BID: variants seen among roughly 807,000 people sequenced by gnomAD.
The protein encoded by BID is BH3-interacting domain death agonist.
A neutral mutation model predicts 17.4 loss-of-function variants in BID; 19 were observed. The ratio of observed to expected loss-of-function variants is 1.09; its 90% confidence interval spans 0.76 to 1.60. The LOEUF is 1.60. BID is among the 40% of genes most tolerant of loss of function. The pLI is 0.00. For missense variants in BID, 226 were observed against 256.0 expected, an observed-to-expected ratio of 0.88 and a Z score of 0.80; for synonymous variants, 108 against 102.8, an observed-to-expected ratio of 1.05 and a Z score of -0.31.
chr22:17,760,087 T>C (rs555379175), intron 1 of BID, among the ~76,000 whole-genome samples: 16 of 147,576 alleles, frequency 1.1e-4, no homozygotes, highest in African/African-American at 3.3e-4. Context: ...TGAGCCGAGA[T>C]TGCGCCACTG....
rs749940968 is a variant in BID at position 17,735,603 on chromosome 22, AAGG to A, written c.577-15_577-13del. The A allele has an allele frequency of 2.0e-4, 326 of 1,614,198 alleles. 3 individuals are homozygous for A. In the South Asian group the frequency reaches 2.8e-3, roughly 14 times the overall value. On this transcript the variant is annotated splice_polypyrimidine_tract_variant and intron_variant, in intron 5 of 5. Coordinates refer to ENST00000622694, the MANE Select transcript of BID (RefSeq NM_001196.4). ...GTTCAGTCCATCCCCTAGAGCAAGA[AAGG>A]AGAAAAAGCCAGAATCAGCTAGGCT...
intron 5 of BID, among the ~76,000 whole-genome samples, chr22:17,737,487 C>T (rs569712315): frequency 1.3e-5 from 2 of 152,262 alleles, no homozygotes; most frequent in South Asian, 4.1e-4. Flanking sequence ...GCTGGGACTA[C>T]AGGTGTGCGC....
intron 1 of BID, among the ~76,000 whole-genome samples, chr22:17,763,884 T>C (rs1276844252): frequency 6.9e-6 from 1 of 145,584 alleles, no homozygotes; most frequent in African/African-American, 2.6e-5. Context: ...GGTGAACATA[T>C]ATATAGACCA....
intron 5 of BID, 27 bp from the exon 6 acceptor site, chr22:17,735,618 G>A: frequency 6.2e-7 from 1 of 1,614,068 alleles, no homozygotes; most frequent in Non-Finnish European, 8.5e-7. Flanking sequence ...GAAAAAGCCA[G>A]AATCAGCTAG....
intron 1 of BID, among the ~76,000 whole-genome samples, chr22:17,770,394 G>C (rs1256193723): frequency 6.6e-6 from 1 of 152,150 alleles, no homozygotes; most frequent in South Asian, 2.1e-4. Context: ...CACTTACAAA[G>C]GGTTTTCCCT....
chr22:17,741,449 AACTCAACT>A (rs2061458509), intron 3 of BID, among the ~76,000 whole-genome samples: 1 of 151,924 alleles, frequency 6.6e-6, no homozygotes, highest in South Asian at 2.1e-4. Flanking sequence ...TTCCTAGGCA[AACTCAACT>A]ACTCACTGTA....
At chr22:17,739,990 A>C in intron 3 of BID, 1 of 1,317,332 alleles carries the variant, frequency 7.6e-7, no homozygotes, top group Non-Finnish European at 1.1e-6. Context: ...GCCCTGGAGA[A>C]TCTCCCCTGC....
At chr22:17,740,145 C>T (rs1216334779) in intron 3 of BID, 1 of 1,612,358 alleles carries the variant, frequency 6.2e-7, no homozygotes, top group East Asian at 2.2e-5. Context: ...CCGTTTCTTC[C>T]TCAGCACTTG....
At chr22:17,761,343 T>G (rs2061636892) in intron 1 of BID, among the ~76,000 whole-genome samples, 1 of 151,812 alleles carries the variant, frequency 6.6e-6, no homozygotes, top group Non-Finnish European at 1.5e-5. Context: ...CATAATAAAG[T>G]CAACATAAAG....
At chr22:17,771,134 C>T (rs144829505) in intron 1 of BID, among the ~76,000 whole-genome samples, 5,725 of 152,254 alleles carry the variant, frequency 0.038, 126 homozygotes, top group African/African-American at 0.057. Context: ...GAGTCTCGCT[C>T]TGTCCCCCAG....
In BID at chr22:17,773,611, G is replaced by A; in HGVS notation, c.-59+770C>T. ...AGGCCCAGCCCCCAGCCCACTTACAGAATCCGCACTGTGCTCCTCCAGCCG... is the reference window on the plus strand; with the variant it reads ...AGGCCCAGCCCCCAGCCCACTTACAAAATCCGCACTGTGCTCCTCCAGCCG... On this transcript the variant is annotated intron_variant, in intron 1 of 5. Transcript: ENST00000622694. This position sits in a 1 kb window ranked among gnomAD's most constrained non-coding sequence, Gnocchi z 4.4. 2 of 1,612,646 alleles carry A rather than the reference G, an allele frequency of 1.2e-6. No individual in the cohort carries two copies. Among genetic ancestry groups the A allele is most frequent in the Non-Finnish European group, 1.7e-6 (2 of 1,179,952 alleles).
chr22:17,767,223 C>CA (rs36077043), intron 1 of BID, among the ~76,000 whole-genome samples: 108,682 of 145,710 alleles, frequency 0.75, 40,537 homozygotes, highest in East Asian at 0.8. Flanking sequence ...GATTCCATCT[C>CA]AAAAAAAAAA....
chr22:17,759,436 C>G (rs2061620324), intron 1 of BID, among the ~76,000 whole-genome samples: 1 of 151,660 alleles, frequency 6.6e-6, no homozygotes, highest in South Asian at 2.1e-4. Flanking sequence ...CCTGTAATCC[C>G]AGCTACTCGG....
chr22:17,760,707 G>A (rs1037689200), intron 1 of BID, among the ~76,000 whole-genome samples: 7 of 152,118 alleles, frequency 4.6e-5, no homozygotes, highest in African/African-American at 9.7e-5. Context: ...GGTGGTCTGA[G>A]AGCCATTGAG....
chr22:17,752,657 T>G (rs193245060), intron 1 of BID, among the ~76,000 whole-genome samples: 1 of 142,316 alleles, frequency 7.0e-6, no homozygotes, highest in African/African-American at 2.6e-5. Context: ...CTGTGATGAG[T>G]ACCCCAATGG....
intron 1 of BID, among the ~76,000 whole-genome samples, chr22:17,770,905 AG>A (rs1185462543): frequency 6.6e-6 from 1 of 152,232 alleles, no homozygotes; most frequent in African/African-American, 2.4e-5. Context: ...CTCTGCAGAA[AG>A]TTCCCTGGTG....
At chr22:17,762,938 G>T (rs148665018) in intron 1 of BID, among the ~76,000 whole-genome samples, 1 of 150,510 alleles carries the variant, frequency 6.6e-6, no homozygotes, top group Non-Finnish European at 1.5e-5. Context: ...GTGCAATGGC[G>T]TGATCTTGCC....
chr22:17,762,324 C>T (rs2061645135), intron 1 of BID, among the ~76,000 whole-genome samples: 1 of 152,034 alleles, frequency 6.6e-6, no homozygotes, highest in African/African-American at 2.4e-5. Context: ...TGGTGAAATC[C>T]CGTCTCTACT....
At chr22:17,752,998 G>C (rs1334857775) in intron 1 of BID, among the ~76,000 whole-genome samples, 1 of 89,996 alleles carries the variant, frequency 1.1e-5, no homozygotes, top group African/African-American at 4.5e-5. Context: ...ATGGAGTCTC[G>C]CTCTGTCACC....
Sources: allele counts gnomAD v4.1 joint callset (sites outside exome capture counted in the v4.1 genomes callset), GRCh38; gene constraint gnomAD v4.1.1; non-coding constraint Gnocchi (gnomAD v3.1); transcripts MANE v1.5; gene names NCBI Gene and HGNC (gene_info 2026-07-23, HGNC 2026-07-21).